RXRG: variants seen among roughly 807,000 people sequenced by gnomAD.
RXRG encodes the protein retinoic acid receptor RXR-gamma.
In RXRG, 19 loss-of-function variants were observed where a neutral mutation model predicts 49.2. The ratio of observed to expected loss-of-function variants is 0.39; its 90% CI spans 0.27 to 0.57. The LOEUF (loss-of-function observed/expected upper bound fraction) is 0.57. RXRG is among the 20% of genes least tolerant of loss of function. The pLI is 0.64. For synonymous variants in RXRG, 224 were observed against 216.6 expected (o/e 1.03, Z -0.30); for missense variants, 452 against 592.5 (o/e 0.76, Z 2.46).
chr1:165,442,559 T>A (rs1038285206), intron 1 of RXRG, among the ~76,000 whole-genome samples: 1 of 152,230 alleles, frequency 6.6e-6, no homozygotes, highest in Non-Finnish European at 1.5e-5. Flanking sequence ...CCCACAATTA[T>A]GAAAATCTAT....
chr1:165,441,665 A>G (rs1659008146), intron 1 of RXRG, among the ~76,000 whole-genome samples: 1 of 152,184 alleles, frequency 6.6e-6, no homozygotes, highest in African/African-American at 2.4e-5. Context: ...GTTAAATGAA[A>G]TGAGAGAAGT....
At chr1:165,438,354 AT>A (rs1553224350) in intron 1 of RXRG, among the ~76,000 whole-genome samples, 6 of 142,228 alleles carry the variant, frequency 4.2e-5, no homozygotes, top group Non-Finnish European at 9.4e-5. Context: ...ATATTCCAAA[AT>A]AAAAAAAAAA....
chr1:165,422,208 A>T (rs1431326932), intron 2 of RXRG, among the ~76,000 whole-genome samples: 1 of 152,244 alleles, frequency 6.6e-6, no homozygotes, highest in Non-Finnish European at 1.5e-5. Context: ...TGCCATTGCT[A>T]CCATCTATGG....
In RXRG at chr1:165,401,417, G is replaced by GT; in HGVS notation, c.1245-8_1245-7insA. ...CAGCAGCAGCTTGGCAAACCTGCAG[G>GT]GAAGCCAAGAGGCATCAGGGACAGG... On this transcript the variant is annotated splice_polypyrimidine_tract_variant and splice_region_variant and intron_variant, in intron 9 of 9. Transcript: ENST00000359842. 1.2e-6 allele frequency: 2 copies of GT among 1,613,752 alleles called. No homozygotes were observed. The highest frequency in any genetic ancestry group is 1.7e-6 in the Non-Finnish European group (2 of 1,180,014).
chr1:165,432,451 T>C (rs999327140), intron 1 of RXRG, among the ~76,000 whole-genome samples: 7 of 152,238 alleles, frequency 4.6e-5, no homozygotes, highest in Non-Finnish European at 8.8e-5. Context: ...ATAGCTTTGC[T>C]TTTAGACAAG....
chr1:165,417,626 T>C (rs979032384), intron 3 of RXRG, among the ~76,000 whole-genome samples: 1 of 152,232 alleles, frequency 6.6e-6, no homozygotes, highest in African/African-American at 2.4e-5. Flanking sequence ...CCAACTTAAC[T>C]AATTATAATT....
intron 4 of RXRG, among the ~76,000 whole-genome samples, chr1:165,415,194 T>A (rs1658087233): frequency 6.6e-6 from 1 of 151,876 alleles, no homozygotes; most frequent in African/African-American, 2.4e-5. Context: ...AAGTGAGCCA[T>A]CAGATACCTG....
At chr1:165,422,597 A>C (rs941192993) in intron 2 of RXRG, among the ~76,000 whole-genome samples, 1 of 152,238 alleles carries the variant, frequency 6.6e-6, no homozygotes, top group African/African-American at 2.4e-5. Flanking sequence ...TGGAGCAAAC[A>C]TGTCCAGTGG....
At chr1:165,409,080 C>G (rs1392184080) in intron 7 of RXRG, among the ~76,000 whole-genome samples, 3 of 152,144 alleles carry the variant, frequency 2.0e-5, no homozygotes, top group Non-Finnish European at 4.4e-5. Flanking sequence ...GCTCCTGCTG[C>G]AGGCCTCCTT....
intron 1 of RXRG, among the ~76,000 whole-genome samples, chr1:165,431,757 T>C (rs934470805): frequency 1.3e-5 from 2 of 152,124 alleles, no homozygotes; most frequent in Non-Finnish European, 2.9e-5. Context: ...TTCACACTCA[T>C]CACCCCAAGA....
intron 7 of RXRG, among the ~76,000 whole-genome samples, chr1:165,408,778 C>T (rs1414611816): frequency 3.3e-5 from 5 of 152,162 alleles, no homozygotes; most frequent in Non-Finnish European, 7.3e-5. Flanking sequence ...TTGGGCTCTA[C>T]ATGGAACATG....
At chr1:165,405,234 C>T (rs1657708141) in intron 9 of RXRG, among the ~76,000 whole-genome samples, 1 of 152,006 alleles carries the variant, frequency 6.6e-6, no homozygotes, top group South Asian at 2.1e-4. Flanking sequence ...AATATGTGCT[C>T]AAAAAATGGA....
chr1:165,442,916 C>T lies in RXRG; in HGVS notation c.49+1929G>A, dbSNP rs140105456. On this transcript the variant is annotated intron_variant, in intron 1 of 9. Coordinates refer to ENST00000359842, the MANE Select transcript of RXRG (RefSeq NM_006917.5). ...AACTCAGCACACTACCTCTTCCTGC[C>T]TCCTCTTCCTCCTGGTGCTCTTTTC... 6.5e-3 allele frequency among the ~76,000 whole-genome samples: 991 copies of T among 152,314 alleles called. 16 individuals are homozygous for T. Among genetic ancestry groups the T allele is most frequent in the African/African-American group, 0.023 (941 of 41,552 alleles).
intron 4 of RXRG, among the ~76,000 whole-genome samples, chr1:165,414,454 C>T (rs909560332): frequency 2.0e-5 from 3 of 152,194 alleles, no homozygotes; most frequent in Non-Finnish European, 4.4e-5. Context: ...ATTCAGCCTG[C>T]ATTTTCAGAG....
intron 1 of RXRG, chr1:165,437,207 C>G: frequency 7.3e-7 from 1 of 1,367,616 alleles, no homozygotes; most frequent in Non-Finnish European, 9.8e-7. Context: ...ACACCCTAGA[C>G]CAAGAAGAAT....
intron 1 of RXRG, chr1:165,437,076 T>G (rs77875554): frequency 0.13 from 172,031 of 1,336,476 alleles, 11,795 homozygotes; most frequent in South Asian, 0.22. Flanking sequence ...TTGCTCCTCC[T>G]TTTCATTTTA....
At chr1:165,439,206 G>C (rs940562980) in intron 1 of RXRG, among the ~76,000 whole-genome samples, 1 of 146,076 alleles carries the variant, frequency 6.8e-6, no homozygotes, top group East Asian at 2.0e-4. Context: ...TAATGAGGCT[G>C]ATTATCAATC....
At chr1:165,437,219 C>T (rs1455064607) in intron 1 of RXRG, 1 of 1,367,300 alleles carries the variant, frequency 7.3e-7, no homozygotes, top group Non-Finnish European at 9.8e-7. Context: ...AAGAAGAATG[C>T]CAGTCAGTCA....
intron 4 of RXRG, among the ~76,000 whole-genome samples, chr1:165,413,468 T>A (rs551050250): frequency 6.6e-6 from 1 of 152,204 alleles, no homozygotes; most frequent in South Asian, 2.1e-4. Flanking sequence ...TAGTAACATA[T>A]CTGAGGGCAT....
Sources: gnomAD v4.1 joint callset for allele counts (sites outside exome capture counted in the v4.1 genomes callset) on GRCh38, gnomAD v4.1.1 for gene constraint, MANE v1.5 for transcripts, NCBI Gene and HGNC (gene_info 2026-07-23, HGNC 2026-07-21) for gene names.